The following EPM2A variants were observed in gnomAD, a reference collection of about 807,000 sequenced individuals.
EPM2A encodes the protein laforin.
A neutral mutation model predicts 26.5 loss-of-function variants in EPM2A; 21 were observed. That is an observed-to-expected ratio of 0.79 (90% CI 0.56 to 1.14). The LOEUF (loss-of-function observed/expected upper bound fraction) is 1.14, where lower values mean the gene tolerates loss of function less well. Among genes scored for constraint, EPM2A ranks in the 50% most tolerant of loss-of-function variants. The probability of loss-of-function intolerance (pLI) is 0.00; values close to 1 mark genes in which losing one functional copy is unlikely to be tolerated. For missense variants in EPM2A, 458 were observed against 440.8 expected, an observed-to-expected ratio of 1.04 and a Z score of -0.35; for synonymous variants, 217 against 177.6, an observed-to-expected ratio of 1.22 and a Z score of -1.76.
At chr6:145,673,249 C>T (rs1779779568) in intron 2 of EPM2A, among the ~76,000 whole-genome samples, 1 of 151,750 alleles carries the variant, frequency 6.6e-6, no homozygotes, top group Admixed American at 6.6e-5. Context: ...AGCAGAAATA[C>T]AAAACTAAAT....
At chr6:145,421,652 G>A (rs1778784859) in intron 4 of EPM2A, among the ~76,000 whole-genome samples, 1 of 151,712 alleles carries the variant, frequency 6.6e-6, no homozygotes, top group South Asian at 2.1e-4. Flanking sequence ...AAATAAGATG[G>A]TAGAAATAAG....
At chr6:145,734,772 C>G (rs1014929693) in intron 1 of EPM2A, 2 of 152,904 alleles carry the variant, frequency 1.3e-5, no homozygotes, top group African/African-American at 4.8e-5. Flanking sequence ...GGCGCGCGGC[C>G]GGGCAGCCAA....
intron 2 of EPM2A, among the ~76,000 whole-genome samples, chr6:145,545,983 C>T (rs1025558915): frequency 7.9e-5 from 12 of 152,110 alleles, no homozygotes; most frequent in Admixed American, 7.2e-4. Context: ...TCCCTTATTG[C>T]TCTTATCACA....
chr6:145,440,928 C>T (rs375644637), intron 4 of EPM2A, among the ~76,000 whole-genome samples: 1 of 152,172 alleles, frequency 6.6e-6, no homozygotes, highest in Admixed American at 6.5e-5. Flanking sequence ...GTGGATCTAC[C>T]ATTCTGGGGC....
At chr6:145,513,432 G>A (rs569141004) in intron 2 of EPM2A, among the ~76,000 whole-genome samples, 4 of 152,164 alleles carry the variant, frequency 2.6e-5, no homozygotes, top group Non-Finnish European at 4.4e-5. Context: ...AAAAGGGAAT[G>A]CTCATACACT....
At chr6:145,413,347 GACA>G (rs1778667997) in intron 4 of EPM2A, among the ~76,000 whole-genome samples, 1 of 152,118 alleles carries the variant, frequency 6.6e-6, no homozygotes, top group African/African-American at 2.4e-5. Flanking sequence ...AAAGGTTTAT[GACA>G]ACTTTATATG....
intron 2 of EPM2A, among the ~76,000 whole-genome samples, chr6:145,660,542 C>T (rs1387175396): frequency 6.6e-6 from 1 of 152,204 alleles, no homozygotes; most frequent in Non-Finnish European, 1.5e-5. Flanking sequence ...TAGCTCACGC[C>T]TGTAGTCCCA....
At position 145,583,272 on chromosome 6, in the gene EPM2A, TA is replaced by T. The variant is rs144520906; in HGVS notation, c.340+51972del. On this transcript the variant is annotated intron_variant, in intron 2 of 3. Transcript: ENST00000450221. ...CAGATTTCTTGCATTAGTTCTTTCT[TA>T]TTTGTGTGGGCTGATGTTCCCTCAG... 5.6e-3 allele frequency among the ~76,000 whole-genome samples: 851 copies of T among 152,324 alleles called. 19 individuals carry two copies. In the East Asian group the frequency reaches 0.097, roughly 17 times the overall value.
intron 4 of EPM2A, among the ~76,000 whole-genome samples, chr6:145,430,121 G>A (rs1192531801): frequency 2.6e-5 from 4 of 152,066 alleles, no homozygotes; most frequent in East Asian, 1.9e-4. Flanking sequence ...GAATTCAGGA[G>A]GCAGAGGTTG....
chr6:145,468,034 G>T (rs1167279792), intron 4 of EPM2A, among the ~76,000 whole-genome samples: 1 of 151,558 alleles, frequency 6.6e-6, no homozygotes, highest in Non-Finnish European at 1.5e-5. Flanking sequence ...CATATATTTT[G>T]GATATATGCT....
chr6:145,727,574 C>G (rs1226039420), intron 1 of EPM2A, among the ~76,000 whole-genome samples: 1 of 151,906 alleles, frequency 6.6e-6, no homozygotes, highest in African/African-American at 2.4e-5. Context: ...TGAGCAGCTA[C>G]TATGTATCAA....
intron 4 of EPM2A, among the ~76,000 whole-genome samples, chr6:145,407,416 C>A (rs566740956): frequency 7.6e-4 from 115 of 152,178 alleles, no homozygotes; most frequent in African/African-American, 2.5e-3. Flanking sequence ...ATTAGCCATA[C>A]AATTTAATAA....
intron 1 of EPM2A, among the ~76,000 whole-genome samples, chr6:145,727,364 T>A (rs772041913): frequency 2.0e-5 from 3 of 152,140 alleles, no homozygotes; most frequent in African/African-American, 7.2e-5. Flanking sequence ...TTTCACTGGA[T>A]GGGATTCATA....
intron 2 of EPM2A, among the ~76,000 whole-genome samples, chr6:145,553,035 A>T (rs1224541241): frequency 6.6e-6 from 1 of 152,016 alleles, no homozygotes; most frequent in Admixed American, 6.6e-5. Context: ...CATAATCCCC[A>T]CGTGTCAAGG....
chr6:145,609,351 T>G (rs544683213), intron 2 of EPM2A, among the ~76,000 whole-genome samples: 55 of 152,358 alleles, frequency 3.6e-4, no homozygotes, highest in African/African-American at 1.3e-3. Flanking sequence ...TTTGTTTTAC[T>G]ACCATCAGAT....
intron 2 of EPM2A, among the ~76,000 whole-genome samples, chr6:145,588,818 T>C (rs187977386): frequency 3.3e-4 from 51 of 152,294 alleles, no homozygotes; most frequent in African/African-American, 1.2e-3. Context: ...TCAAGAACAA[T>C]ATGTTGTGCC....
At chr6:145,422,309 ATTTT>A (rs1778800095) in intron 4 of EPM2A, among the ~76,000 whole-genome samples, 1 of 147,296 alleles carries the variant, frequency 6.8e-6, no homozygotes, top group African/African-American at 2.5e-5. Flanking sequence ...AAATATATAT[ATTTT>A]TGTGTGTATA....
intron 2 of EPM2A, among the ~76,000 whole-genome samples, chr6:145,505,529 AACAATATTATTC>A (rs1779959995): frequency 4.2e-5 from 5 of 119,672 alleles, no homozygotes; most frequent in Admixed American, 4.0e-4. Flanking sequence ...TTAAGATGTT[AACAATATTATTC>A]AGTAATATTA....
chr6:145,734,353 T>TA (rs933167388), intron 1 of EPM2A, among the ~76,000 whole-genome samples: 122 of 145,436 alleles, frequency 8.4e-4, no homozygotes, highest in East Asian at 2.0e-3. Context: ...ACAATTTTTG[T>TA]AAAAAAAAAA....
Sources: gnomAD v4.1 joint callset for allele counts (sites outside exome capture counted in the v4.1 genomes callset) on GRCh38, gnomAD v4.1.1 for gene constraint, MANE v1.5 for transcripts, NCBI Gene and HGNC (gene_info 2026-07-23, HGNC 2026-07-21) for gene names.